SYNDIG1: variants seen among roughly 807,000 people sequenced by gnomAD.
SYNDIG1 encodes synapse differentiation inducing 1.
SYNDIG1 carries 9 observed loss-of-function variants against 19.4 expected under a neutral mutation model. That is an observed-to-expected ratio of 0.46 (90% CI 0.28 to 0.81). SYNDIG1 has a LOEUF of 0.81. Among genes scored for constraint, SYNDIG1 ranks in the 30% least tolerant of loss-of-function variants. The pLI, the probability that SYNDIG1 is intolerant of heterozygous loss-of-function variation, is 0.12. For synonymous variants in SYNDIG1, 141 were observed against 145.9 expected, an observed-to-expected ratio of 0.97 and a Z score of 0.24; for missense variants, 311 against 343.3, an observed-to-expected ratio of 0.91 and a Z score of 0.74.
chr20:24,654,650 G>GGAAGGAAGGA (rs2059505234), intron 3 of SYNDIG1, among the ~76,000 whole-genome samples: 111 of 117,446 alleles, frequency 9.5e-4, no homozygotes, highest in African/African-American at 2.6e-3. Flanking sequence ...GGGAGGGAGG[G>GGAAGGAAGGA]AGGAAGGAAG....
intron 2 of SYNDIG1, among the ~76,000 whole-genome samples, chr20:24,567,145 G>C (rs185737835): frequency 3.2e-4 from 49 of 152,196 alleles, no homozygotes; most frequent in African/African-American, 1.1e-3. Flanking sequence ...TGGTTTGAAG[G>C]GTGAGTAAAG....
At chr20:24,602,851 C>G (rs2058699098) in intron 3 of SYNDIG1, among the ~76,000 whole-genome samples, 1 of 152,252 alleles carries the variant, frequency 6.6e-6, no homozygotes, top group East Asian at 1.9e-4. Flanking sequence ...ATTTTTATAA[C>G]AGAAATATTT....
chr20:24,496,678 C>T (rs1168036589), intron 1 of SYNDIG1, among the ~76,000 whole-genome samples: 1 of 152,126 alleles, frequency 6.6e-6, no homozygotes, highest in Non-Finnish European at 1.5e-5. Flanking sequence ...CTTGGGATAA[C>T]GTATGTGAAA....
At chr20:24,562,549 G>C (rs2057967077) in intron 2 of SYNDIG1, among the ~76,000 whole-genome samples, 1 of 152,236 alleles carries the variant, frequency 6.6e-6, no homozygotes, top group Non-Finnish European at 1.5e-5. Flanking sequence ...TCAATAAAAG[G>C]CATTGGGGTG....
At chr20:24,599,013 T>C (rs910747098) in intron 3 of SYNDIG1, among the ~76,000 whole-genome samples, 5 of 152,130 alleles carry the variant, frequency 3.3e-5, no homozygotes, top group Admixed American at 1.3e-4. Flanking sequence ...CAGAAAAGCT[T>C]CTGCACAGCA....
Position 24,511,495 on chromosome 20 carries a change from G to A in SYNDIG1, c.-78-31525G>A, listed in dbSNP as rs530001757. On this transcript the variant is annotated intron_variant, in intron 1 of 3. Coordinates refer to ENST00000376862, the MANE Select transcript of SYNDIG1 (RefSeq NM_024893.3). ...TGGATTCTGAGTTTTCACTGGATAC[G>A]TTATTCTCTGAGCTTCCCGTCTTTG... Among the ~76,000 whole-genome samples the A allele has an allele frequency of 4.6e-5, 7 of 152,184 alleles. No homozygotes were observed. The South Asian group carries it at 8.3e-4, about 18-fold the overall frequency.
chr20:24,577,307 G>T (rs1028395559), intron 2 of SYNDIG1, among the ~76,000 whole-genome samples: 13 of 152,224 alleles, frequency 8.5e-5, no homozygotes, highest in Admixed American at 8.5e-4. Flanking sequence ...GTGCAGAGAG[G>T]ATGGTTTGAC....
intron 3 of SYNDIG1, among the ~76,000 whole-genome samples, chr20:24,594,132 C>T (rs1193114283): frequency 6.6e-6 from 1 of 151,818 alleles, no homozygotes; most frequent in Non-Finnish European, 1.5e-5. Flanking sequence ...ATGGTATTTC[C>T]TAGGTTATCT....
At chr20:24,485,682 G>A (rs530263151) in intron 1 of SYNDIG1, among the ~76,000 whole-genome samples, 32 of 152,306 alleles carry the variant, frequency 2.1e-4, no homozygotes, top group African/African-American at 7.7e-4. Context: ...CGTAGAAATG[G>A]TACTGCAACA....
chr20:24,500,272 T>C (rs533057625), intron 1 of SYNDIG1, among the ~76,000 whole-genome samples: 1 of 152,260 alleles, frequency 6.6e-6, no homozygotes, highest in East Asian at 1.9e-4. Flanking sequence ...TGAATAAATA[T>C]AATTCACAGA....
intron 1 of SYNDIG1, among the ~76,000 whole-genome samples, chr20:24,531,382 G>A (rs1205455082): frequency 6.6e-6 from 1 of 152,144 alleles, no homozygotes; most frequent in Admixed American, 6.5e-5. Flanking sequence ...TTTAAGAAAG[G>A]GAGATGAGTG....
chr20:24,474,755 A>G (rs1156780674), intron 1 of SYNDIG1, among the ~76,000 whole-genome samples: 2 of 152,230 alleles, frequency 1.3e-5, no homozygotes, highest in African/African-American at 4.8e-5. Flanking sequence ...TATTTTGAAC[A>G]ATTCTTAGGT....
At chr20:24,480,356 A>G (rs2055762346) in intron 1 of SYNDIG1, among the ~76,000 whole-genome samples, 1 of 152,240 alleles carries the variant, frequency 6.6e-6, no homozygotes, top group Non-Finnish European at 1.5e-5. Flanking sequence ...AGGCTACAGT[A>G]CTAAATTTTT....
At chr20:24,656,335 G>C (rs2059525595) in intron 3 of SYNDIG1, among the ~76,000 whole-genome samples, 1 of 152,236 alleles carries the variant, frequency 6.6e-6, no homozygotes, top group Non-Finnish European at 1.5e-5. Context: ...GAGAGTGACA[G>C]TTGTCAGTCC....
chr20:24,591,602 G>A (rs1044593553), intron 3 of SYNDIG1, among the ~76,000 whole-genome samples: 1 of 152,142 alleles, frequency 6.6e-6, no homozygotes, highest in African/African-American at 2.4e-5. Context: ...TGACCCAAAA[G>A]AGAGAAAAAT....
intron 1 of SYNDIG1, among the ~76,000 whole-genome samples, chr20:24,510,379 G>C (rs946005449): frequency 2.0e-5 from 3 of 151,592 alleles, no homozygotes; most frequent in African/African-American, 7.3e-5. Context: ...GACCAGCCTG[G>C]CCAATATGGG....
At chr20:24,572,874 G>C (rs1467125977) in intron 2 of SYNDIG1, among the ~76,000 whole-genome samples, 2 of 152,140 alleles carry the variant, frequency 1.3e-5, no homozygotes, top group Non-Finnish European at 2.9e-5. Flanking sequence ...AGGAAAAATG[G>C]GGAAATCATT....
intron 2 of SYNDIG1, among the ~76,000 whole-genome samples, chr20:24,582,140 G>C (rs2058336436): frequency 1.1e-5 from 1 of 90,548 alleles, no homozygotes. Context: ...CGTCCTCCCT[G>C]CTGCACTCCC....
In SYNDIG1 at chr20:24,543,103, T is replaced by G. The variant is rs745902462; in HGVS notation, c.6T>G (p.Asp2Glu). 4 of 1,612,876 alleles carry G rather than the reference T, an allele frequency of 2.5e-6. No individual in the cohort carries two copies. In the African/African-American group the frequency reaches 5.3e-5, roughly 22 times the overall value. The change falls in exon 2 of 4, where the codon GAT becomes GAG. Residue 2 changes from aspartate (D) to glutamate (E), a missense_variant. Physicochemically the swap from Asp to Glu is conservative, Grantham distance 45. Coordinates refer to ENST00000376862, the MANE Select transcript of SYNDIG1 (RefSeq NM_024893.3). ...CCAGCCAGGGAGAGAGTACCATGGA[T>G]GGCATCATTGAACAGAAGAGCATGC... M[D>E]GIIEQKSMLV...
Sources: gnomAD v4.1 joint callset for allele counts (sites outside exome capture counted in the v4.1 genomes callset) on GRCh38, gnomAD v4.1.1 for gene constraint, MANE v1.5 for transcripts, NCBI Gene and HGNC (gene_info 2026-07-23, HGNC 2026-07-21) for gene names.